The following ESRRG variants were observed in gnomAD, a reference collection of about 807,000 sequenced individuals.
ESRRG encodes estrogen-related receptor gamma.
Under a neutral mutation model 44.0 loss-of-function variants are expected in ESRRG, and 13 were observed. That is an observed-to-expected ratio of 0.30 (90% CI 0.19 to 0.47). The LOEUF (loss-of-function observed/expected upper bound fraction) is 0.47, where lower values mean the gene tolerates loss of function less well. Among genes scored for constraint, ESRRG ranks in the 20% least tolerant of loss-of-function variants. The pLI is 1.00. For synonymous variants in ESRRG, 215 were observed against 214.6 expected (o/e 1.00, Z -0.02); for missense variants, 395 against 580.6 (o/e 0.68, Z 3.29).
rs116216634 is a variant in ESRRG, at chr1:216,871,167, C to T, written c.-14+68415G>A. 4.0e-3 allele frequency among the ~76,000 whole-genome samples: 613 copies of T among 152,072 alleles called. 4 individuals are homozygous for T. The highest frequency in any genetic ancestry group is 0.014 in the African/African-American group (576 of 41,528). On this transcript the variant is annotated intron_variant, in intron 2 of 7. Coordinates refer to the ESRRG transcript ENST00000359162. ...AGCACTGCTTTAGCTGTATCACATA[C>T]ATTTTAATATGTGCATTTTCATTTT...
chr1:217,043,564 C>A (rs2084271915), intron 1 of ESRRG, among the ~76,000 whole-genome samples: 1 of 152,150 alleles, frequency 6.6e-6, no homozygotes, highest in South Asian at 2.1e-4. Flanking sequence ...ATCATCTTAA[C>A]CAGAATTTTA....
At chr1:216,784,312 A>C (rs968579352) in intron 2 of ESRRG, among the ~76,000 whole-genome samples, 2 of 152,048 alleles carry the variant, frequency 1.3e-5, no homozygotes, top group Non-Finnish European at 2.9e-5. Context: ...CTCTTTTTAG[A>C]TAAGAATACT....
At chr1:216,619,367 G>C (rs924579156) in intron 3 of ESRRG, among the ~76,000 whole-genome samples, 4 of 152,082 alleles carry the variant, frequency 2.6e-5, no homozygotes, top group African/African-American at 9.7e-5. Context: ...GAAATATTGG[G>C]GGCCACCTTC....
chr1:217,069,485 C>T (rs561196854), intron 1 of ESRRG, among the ~76,000 whole-genome samples: 1 of 151,562 alleles, frequency 6.6e-6, no homozygotes, highest in South Asian at 2.1e-4. Context: ...CTCTAGAGAA[C>T]CCTAATACAA....
In ESRRG at chr1:216,564,331, A is replaced by G; in HGVS notation, c.750T>C (p.Tyr250=). The change falls in exon 5 of 7, where the codon TAT becomes TAC. Residue 250 remains tyrosine (Y), a synonymous_variant. Transcript: ENST00000408911. ...CGGGGACAGTAGGGTCAGGCATGGC[A>G]TAGATCTTCTCCGGTTCAGCCACCA... ...HLLVAEPEKI[Y]AMPDPTVPDS... is the part of the protein sequence containing the mutation. 8.7e-6 allele frequency: 14 copies of G among 1,611,916 alleles called. No homozygotes were observed. The highest frequency in any genetic ancestry group is 1.1e-5 in the Non-Finnish European group (13 of 1,178,694).
chr1:216,574,340 G>T (rs983935431), intron 3 of ESRRG, among the ~76,000 whole-genome samples: 1 of 152,166 alleles, frequency 6.6e-6, no homozygotes, highest in Admixed American at 6.6e-5. Flanking sequence ...CAAGAGTAGG[G>T]CAAGGAGTAA....
intron 2 of ESRRG, among the ~76,000 whole-genome samples, chr1:216,905,917 A>G (rs2059631676): frequency 6.6e-6 from 1 of 152,048 alleles, no homozygotes; most frequent in African/African-American, 2.4e-5. Flanking sequence ...CGCCCTGCTA[A>G]TTTTTGTATA....
At chr1:216,678,955 G>GA (rs1395336989) in intron 1 of ESRRG, among the ~76,000 whole-genome samples, 1 of 152,150 alleles carries the variant, frequency 6.6e-6, no homozygotes, top group Non-Finnish European at 1.5e-5. Flanking sequence ...TCAAAATGAA[G>GA]AAAAATATGG....
At chr1:217,098,523 G>A (rs2092458593) in intron 1 of ESRRG, among the ~76,000 whole-genome samples, 1 of 152,126 alleles carries the variant, frequency 6.6e-6, no homozygotes, top group African/African-American at 2.4e-5. Context: ...TTTTCCTGGA[G>A]CCCCTCAGAA....
At chr1:216,656,284 C>T (rs562999300) in intron 2 of ESRRG, among the ~76,000 whole-genome samples, 1 of 152,176 alleles carries the variant, frequency 6.6e-6, no homozygotes, top group Admixed American at 6.5e-5. Flanking sequence ...GATGACACAA[C>T]TGGAATTTTC....
chr1:216,605,572 T>C (rs567720746), intron 3 of ESRRG, among the ~76,000 whole-genome samples: 2 of 152,310 alleles, frequency 1.3e-5, no homozygotes, highest in African/African-American at 4.8e-5. Context: ...TATGTGTCTA[T>C]GTATACTGTC....
intron 5 of ESRRG, among the ~76,000 whole-genome samples, chr1:216,532,131 G>GA (rs539424071): frequency 0.047 from 6,611 of 139,352 alleles, 431 homozygotes; most frequent in African/African-American, 0.15. Context: ...AGAAATGGAG[G>GA]AAAAAAAAAA....
At chr1:217,000,796 T>C (rs1296337613) in intron 1 of ESRRG, 1 of 152,200 alleles carries the variant, frequency 6.6e-6, no homozygotes, top group East Asian at 1.9e-4. Context: ...AAAGCATTGG[T>C]CCCATGCAGC....
intron 4 of ESRRG, among the ~76,000 whole-genome samples, chr1:216,564,681 T>G (rs2059376262): frequency 6.6e-6 from 1 of 152,156 alleles, no homozygotes; most frequent in Non-Finnish European, 1.5e-5. Flanking sequence ...TAAGAGAAGT[T>G]AGATGCTTTC....
At chr1:216,905,871 C>T (rs997139809) in intron 2 of ESRRG, among the ~76,000 whole-genome samples, 1 of 152,174 alleles carries the variant, frequency 6.6e-6, no homozygotes, top group Non-Finnish European at 1.5e-5. Context: ...TTGCCTCAGC[C>T]TCCTGAGTAC....
At chr1:216,844,348 A>C (rs2148905566) in intron 2 of ESRRG, among the ~76,000 whole-genome samples, 1 of 152,234 alleles carries the variant, frequency 6.6e-6, no homozygotes, top group South Asian at 2.1e-4. Flanking sequence ...CTTAATCTCC[A>C]TTAAGTCCCT....
chr1:216,904,518 AT>A (rs543592818), intron 2 of ESRRG, among the ~76,000 whole-genome samples: 2 of 152,182 alleles, frequency 1.3e-5, no homozygotes, highest in Non-Finnish European at 2.9e-5. Context: ...CAAAGATACT[AT>A]TTTTCCCCCC....
chr1:216,677,607 T>C, intron 1 of ESRRG, 116 bp from the exon 2 acceptor site: 1 of 894,330 alleles, frequency 1.1e-6, no homozygotes, highest in South Asian at 1.8e-5. Context: ...AAGGGAAAGG[T>C]AAAAGGAGGA....
intron 2 of ESRRG, among the ~76,000 whole-genome samples, chr1:216,894,101 C>T (rs766622301): frequency 1.3e-5 from 2 of 152,110 alleles, no homozygotes; most frequent in African/African-American, 2.4e-5. Context: ...TGTGTTTATA[C>T]TGTGGATTTT....
Sources: allele counts gnomAD v4.1 joint callset (sites outside exome capture counted in the v4.1 genomes callset), GRCh38; gene constraint gnomAD v4.1.1; transcripts MANE v1.5; gene names NCBI Gene and HGNC (gene_info 2026-07-23, HGNC 2026-07-21).